AXDND1: variants seen among roughly 807,000 people sequenced by gnomAD.
The protein encoded by AXDND1 is axonemal dynein light chain domain-containing protein 1.
AXDND1 carries 110 observed loss-of-function variants against 137.5 expected under a neutral mutation model. That is an observed-to-expected ratio of 0.80 (90% CI 0.69 to 0.94). The LOEUF (loss-of-function observed/expected upper bound fraction) is 0.94, where lower values mean the gene tolerates loss of function less well. AXDND1 is among the 40% of genes least tolerant of loss of function. The pLI, the probability that AXDND1 is intolerant of heterozygous loss-of-function variation, is 0.00. For synonymous variants in AXDND1, 414 were observed against 399.7 expected, an observed-to-expected ratio of 1.04 and a Z score of -0.43; for missense variants, 1,191 against 1,169.8, an observed-to-expected ratio of 1.02 and a Z score of -0.26.
intron 9 of AXDND1, 100 bp from the exon 10 acceptor site, chr1:179,393,803 T>C: frequency 1.0e-6 from 1 of 982,368 alleles, no homozygotes. Context: ...TTTCTTGGTG[T>C]ATAGCAGTGC....
intron 16 of AXDND1, chr1:179,452,307 G>A (rs1457321083): frequency 6.5e-6 from 1 of 153,660 alleles, no homozygotes; most frequent in African/African-American, 2.4e-5. Context: ...CATTCAAGAG[G>A]TGACTTGAGT....
At chr1:179,520,286 T>C (rs905289922) in intron 21 of AXDND1, among the ~76,000 whole-genome samples, 10 of 152,194 alleles carry the variant, frequency 6.6e-5, no homozygotes, top group African/African-American at 2.2e-4. Flanking sequence ...GCTTTTGGGC[T>C]GAGACAATGG....
intron 18 of AXDND1, among the ~76,000 whole-genome samples, chr1:179,487,675 A>T (rs1666231461): frequency 6.7e-6 from 1 of 148,224 alleles, no homozygotes. Context: ...GAAATACATC[A>T]TTAGAATGAT....
chr1:179,407,226 CTT>C (rs1407504233), intron 11 of AXDND1, among the ~76,000 whole-genome samples: 2 of 150,810 alleles, frequency 1.3e-5, no homozygotes, highest in Non-Finnish European at 3.0e-5. Context: ...GGTTTTTTTT[CTT>C]TCTTTTTTTT....
chr1:179,466,054 G>A (rs1663120776), intron 16 of AXDND1, among the ~76,000 whole-genome samples: 1 of 152,130 alleles, frequency 6.6e-6, no homozygotes, highest in Admixed American at 6.5e-5. Flanking sequence ...GGAAGTCCCT[G>A]ACCCCTTGCA....
At position 179,517,328 on chromosome 1, in the gene AXDND1, C is replaced by G. The variant is rs147148896; in HGVS notation, c.2496+7925C>G. ...CCTACTAACAGCCTTAAGGCTGTTT[C>G]CAGGCAGTGGGCAAGCAGGACTTGA... On this transcript the variant is annotated intron_variant, in intron 21 of 25. Coordinates refer to ENST00000367618, the MANE Select transcript of AXDND1 (RefSeq NM_144696.6). 1.6e-3 allele frequency among the ~76,000 whole-genome samples: 245 copies of G among 152,330 alleles called. 1 individual carries two copies. Among genetic ancestry groups the G allele is most frequent in the African/African-American group, 5.6e-3 (232 of 41,580 alleles).
intron 18 of AXDND1, 42 bp from the exon 19 acceptor site, chr1:179,491,496 T>A (rs1666890655): frequency 7.5e-7 from 1 of 1,332,342 alleles, no homozygotes; most frequent in Non-Finnish European, 1.1e-6. Context: ...CTGTTTGATT[T>A]ATTTAAAGTG....
At chr1:179,474,339 A>C (rs886361838) in intron 17 of AXDND1, among the ~76,000 whole-genome samples, 21 of 152,198 alleles carry the variant, frequency 1.4e-4, no homozygotes, top group Non-Finnish European at 1.5e-5. Context: ...GAAAATATGT[A>C]AGCCACATTG....
chr1:179,516,823 A>G (rs1260643636), intron 21 of AXDND1, among the ~76,000 whole-genome samples: 2 of 152,156 alleles, frequency 1.3e-5, no homozygotes, highest in African/African-American at 4.8e-5. Flanking sequence ...TGGCTCCCTC[A>G]GTCGTGGATA....
intron 12 of AXDND1, among the ~76,000 whole-genome samples, chr1:179,415,323 C>T (rs1457725651): frequency 6.6e-6 from 1 of 152,136 alleles, no homozygotes; most frequent in Non-Finnish European, 1.5e-5. Context: ...GCCTGGGCAA[C>T]AGAGCGAGAC....
At chr1:179,510,973 A>G in intron 21 of AXDND1, among the ~76,000 whole-genome samples, 1 of 138,974 alleles carries the variant, frequency 7.2e-6, no homozygotes, top group East Asian at 2.2e-4. Context: ...CTTAGCTCCC[A>G]CACATCAGTG....
Position 179,385,342 on chromosome 1 carries a change from ACTT to A in AXDND1, c.849_851del (p.Leu284del). 1 of 1,613,932 alleles carries A rather than the reference ACTT, an allele frequency of 6.2e-7. No homozygotes were observed. Among genetic ancestry groups the A allele is most frequent in the South Asian group, 1.1e-5 (1 of 91,080 alleles). ...GTGTGGACTGTGCAGACAGAGGAGA[ACTT>A]CTGTCTAAAGTCAGGTTAGTGCTGT... On this transcript the variant is annotated inframe_deletion, in exon 9 of 26. Transcript: ENST00000367618.
chr1:179,418,038 G>C (rs1482920811), intron 12 of AXDND1, among the ~76,000 whole-genome samples: 2 of 150,680 alleles, frequency 1.3e-5, no homozygotes, highest in Non-Finnish European at 3.0e-5. Flanking sequence ...TTCTCGCAGA[G>C]GGGGATTTGG....
chr1:179,366,781 G>C (rs937297573), intron 2 of AXDND1, among the ~76,000 whole-genome samples, 175 bp downstream of exon 2: 15 of 123,334 alleles, frequency 1.2e-4, no homozygotes, highest in African/African-American at 4.2e-4. Flanking sequence ...TTGAGTCAGA[G>C]TACTGTTTCA....
At chr1:179,392,650 T>A (rs1411540863) in intron 9 of AXDND1, among the ~76,000 whole-genome samples, 1 of 152,254 alleles carries the variant, frequency 6.6e-6, no homozygotes, top group Non-Finnish European at 1.5e-5. Context: ...TTTGATTTTT[T>A]AAATTATGGC....
intron 14 of AXDND1, among the ~76,000 whole-genome samples, 154 bp downstream of exon 14, chr1:179,430,760 T>C (rs963636687): frequency 2.0e-5 from 3 of 152,222 alleles, no homozygotes; most frequent in Admixed American, 2.0e-4. Context: ...GCTAACAACC[T>C]TGAATAGTCC....
At chr1:179,519,951 G>A (rs558826359) in intron 21 of AXDND1, among the ~76,000 whole-genome samples, 4 of 152,256 alleles carry the variant, frequency 2.6e-5, no homozygotes, top group South Asian at 2.1e-4. Flanking sequence ...GATAGGAATA[G>A]CATTGAATCT....
intron 17 of AXDND1, among the ~76,000 whole-genome samples, chr1:179,482,050 C>T (rs1411027658): frequency 4.7e-5 from 7 of 149,302 alleles, no homozygotes; most frequent in African/African-American, 9.9e-5. Flanking sequence ...CTTCAGGCTA[C>T]GTTGCAAATG....
chr1:179,455,294 G>GA (rs1661179197), intron 16 of AXDND1: 1 of 48,744 alleles, frequency 2.1e-5, no homozygotes, highest in Admixed American at 2.1e-4. Flanking sequence ...AAAAAAAAAA[G>GA]TAAAAAAAAA....
Sources: allele counts gnomAD v4.1 joint callset (sites outside exome capture counted in the v4.1 genomes callset), GRCh38; gene constraint gnomAD v4.1.1; transcripts MANE v1.5; gene names NCBI Gene and HGNC (gene_info 2026-07-23, HGNC 2026-07-21).